TAOK3: variants seen among roughly 807,000 people sequenced by gnomAD.
TAOK3 encodes the protein TAO kinase 3, also known as serine/threonine-protein kinase TAO3.
In TAOK3, 40 loss-of-function variants were observed where a neutral mutation model predicts 120.4. The observed-to-expected ratio is 0.33, with a 90% CI of 0.26 to 0.43. The LOEUF is 0.43. Ranked by LOEUF, TAOK3 falls within the 20% of genes least tolerant of loss-of-function variation. The pLI is 1.00. For synonymous variants in TAOK3, 355 were observed against 387.5 expected (o/e 0.92, Z 0.99); for missense variants, 821 against 1,112.1 (o/e 0.74, Z 3.72).
intron 16 of TAOK3, among the ~76,000 whole-genome samples, chr12:118,173,430 C>A (rs901833701): frequency 2.6e-5 from 4 of 152,044 alleles, no homozygotes; most frequent in African/African-American, 9.7e-5. Flanking sequence ...CTCTGGCTGC[C>A]ATGGGGAGAA....
chr12:118,338,968 T>G (rs1461528970), intron 1 of TAOK3, among the ~76,000 whole-genome samples: 1 of 151,964 alleles, frequency 6.6e-6, no homozygotes, highest in Non-Finnish European at 1.5e-5. Context: ...ATGCACAATG[T>G]GATAAGAAAA....
chr12:118,366,457 T>G (rs1440691801), intron 1 of TAOK3, among the ~76,000 whole-genome samples: 44 of 152,134 alleles, frequency 2.9e-4, no homozygotes, highest in Non-Finnish European at 1.5e-5. Context: ...GCCATGGACA[T>G]AAGCCAATAT....
intron 1 of TAOK3, among the ~76,000 whole-genome samples, chr12:118,349,053 A>G (rs945240991): frequency 2.0e-5 from 3 of 151,460 alleles, no homozygotes; most frequent in African/African-American, 7.3e-5. Context: ...CACCACACCC[A>G]GCTAATTTTT....
chr12:118,198,927 GC>G, intron 13 of TAOK3, 123 bp downstream of exon 13: 1 of 963,310 alleles, frequency 1.0e-6, no homozygotes. Context: ...ACTGTCACAT[GC>G]CAGGTTTAGT....
Position 118,201,323 on chromosome 12 carries a change from G to C in TAOK3, c.960C>G (p.Pro320=). Reference sequence around the variant, plus strand: ...CCTCATCCTCCTGTGACTCATTCAAGGGTCCATTCCGTGTCTCTTGGAAAA... The same window carrying C: ...CCTCATCCTCCTGTGACTCATTCAACGGTCCATTCCGTGTCTCTTGGAAAA... ...KILFQETRNG[P]LNESQEDEED... Residue 320 remains proline (P), a synonymous_variant, in exon 12 of 21, where the codon CCC becomes CCG. Coordinates refer to ENST00000392533, the MANE Select transcript of TAOK3 (RefSeq NM_016281.4). 1 of 1,613,676 alleles carries C rather than the reference G, an allele frequency of 6.2e-7. No homozygotes were observed. The highest frequency in any genetic ancestry group is 8.5e-7 in the Non-Finnish European group (1 of 1,179,770).
intron 3 of TAOK3, among the ~76,000 whole-genome samples, chr12:118,255,001 A>G (rs577622058): frequency 5.9e-5 from 9 of 152,180 alleles, no homozygotes; most frequent in African/African-American, 2.2e-4. Flanking sequence ...TGACCTCGTG[A>G]TCTGCCCGCC....
intron 6 of TAOK3, 149 bp from the exon 7 acceptor site, chr12:118,238,318 G>C: frequency 2.0e-6 from 1 of 495,486 alleles, no homozygotes; most frequent in Non-Finnish European, 3.6e-6. Context: ...AAGATAATAA[G>C]TGATCAGACA....
intron 17 of TAOK3, 40 bp from the exon 18 acceptor site, chr12:118,162,067 G>A (rs772445942): frequency 1.2e-6 from 2 of 1,602,098 alleles, no homozygotes; most frequent in Non-Finnish European, 1.7e-6. Context: ...AGAGGTGAAT[G>A]GAGATGAACT....
chr12:118,188,213 G>C (rs551559404), intron 14 of TAOK3, among the ~76,000 whole-genome samples: 65 of 152,304 alleles, frequency 4.3e-4, no homozygotes, highest in South Asian at 1.2e-3. Context: ...ATTTCAACAT[G>C]AACGGGTCTG....
At chr12:118,290,209 G>A (rs956038671) in intron 1 of TAOK3, among the ~76,000 whole-genome samples, 9 of 151,972 alleles carry the variant, frequency 5.9e-5, no homozygotes, top group Non-Finnish European at 2.9e-5. Context: ...CCTTGTAAAG[G>A]GCGTATGAAA....
At chr12:118,196,094 T>TAAATAAATAAATAAATAAATAAAA (rs1338241804) in intron 13 of TAOK3, among the ~76,000 whole-genome samples, 2 of 145,968 alleles carry the variant, frequency 1.4e-5, no homozygotes, top group African/African-American at 5.0e-5. Flanking sequence ...AATAAATAAA[T>TAAATAAATAAATAAATAAATAAAA]AAAAGGAAGT....
chr12:118,193,039 C>G (rs912861027), intron 13 of TAOK3, among the ~76,000 whole-genome samples: 1 of 146,804 alleles, frequency 6.8e-6, no homozygotes, highest in Non-Finnish European at 1.5e-5. Flanking sequence ...GGTAAACTTA[C>G]CACGTTGTTG....
chr12:118,171,077 A>G lies in TAOK3; in HGVS notation c.1899+1380T>C, dbSNP rs142089467. Among the ~76,000 whole-genome samples the G allele has an allele frequency of 1.9e-4, 29 of 152,336 alleles. No individual in the cohort carries two copies. The East Asian group carries it at 5.2e-3, about 27-fold the overall frequency. On this transcript the variant is annotated intron_variant, in intron 17 of 20. Coordinates refer to ENST00000392533, the MANE Select transcript of TAOK3 (RefSeq NM_016281.4). ...ACAATGATTTTCTGTTGAACACAGT[A>G]TTCTGTATTCCTCATCTCAGTGAAT...
intron 1 of TAOK3, among the ~76,000 whole-genome samples, chr12:118,267,290 A>AC (rs2041492238): frequency 2.0e-5 from 3 of 151,448 alleles, no homozygotes. Context: ...ATCTCGGCTC[A>AC]CTGCAACCTC....
intron 1 of TAOK3, chr12:118,359,595 T>C (rs2045523203): frequency 6.6e-6 from 1 of 152,232 alleles, no homozygotes; most frequent in Admixed American, 6.5e-5. Context: ...TCTTTTAAAC[T>C]TATGTATTTA....
At chr12:118,163,134 G>A (rs61943528) in intron 17 of TAOK3, among the ~76,000 whole-genome samples, 15,438 of 152,192 alleles carry the variant, frequency 0.1, 992 homozygotes, top group Middle Eastern at 0.15. Context: ...TCTATGTGTG[G>A]CTGGAATTAA....
chr12:118,153,593 A>C (rs1156887375), intron 19 of TAOK3, among the ~76,000 whole-genome samples: 1 of 152,210 alleles, frequency 6.6e-6, no homozygotes, highest in Non-Finnish European at 1.5e-5. Flanking sequence ...TCAGCAGGAC[A>C]GTGTTTAGGA....
At chr12:118,296,711 C>G (rs777320825) in intron 1 of TAOK3, among the ~76,000 whole-genome samples, 5 of 152,104 alleles carry the variant, frequency 3.3e-5, no homozygotes, top group Admixed American at 6.5e-5. Flanking sequence ...TTACAAAAGC[C>G]AAAGTATTTT....
intron 1 of TAOK3, among the ~76,000 whole-genome samples, chr12:118,320,220 A>G (rs1023908158): frequency 6.6e-5 from 10 of 152,166 alleles, no homozygotes; most frequent in African/African-American, 2.2e-4. Flanking sequence ...CTTAATAGGT[A>G]CAGAATTTCT....
Sources: allele counts gnomAD v4.1 joint callset (sites outside exome capture counted in the v4.1 genomes callset), GRCh38; gene constraint gnomAD v4.1.1; transcripts MANE v1.5; gene names NCBI Gene and HGNC (gene_info 2026-07-23, HGNC 2026-07-21).